Variants in MARK1 observed in about 807,000 individuals in gnomAD.
The protein encoded by MARK1 is serine/threonine-protein kinase MARK1.
A neutral mutation model predicts 96.3 loss-of-function variants in MARK1; 40 were observed. The ratio of observed to expected loss-of-function variants is 0.42; its 90% CI spans 0.32 to 0.54. MARK1 has a LOEUF of 0.54. MARK1 is among the 20% of genes least tolerant of loss of function. The pLI is 0.16. For missense variants in MARK1, 719 were observed against 984.6 expected (o/e 0.73, Z 3.61); for synonymous variants, 317 against 341.2 (o/e 0.93, Z 0.78).
Position 220,528,189 on chromosome 1 carries a change from C to T in MARK1, c.-634C>T, listed in dbSNP as rs1218057013. ...GGCGCTGCGTGCCGCGCCCGCTGCT[C>T]CGCGCGCAGCCGGCTCGGGCCGCTC... On this transcript the variant is annotated 5_prime_UTR_variant, in exon 1 of 18. Transcript: ENST00000366917. The T allele has an allele frequency of 6.6e-6, 1 of 150,456 alleles. No individual in the cohort carries two copies. The highest frequency in any genetic ancestry group is 2.4e-5 in the African/African-American group (1 of 41,266). The allele number at this position is 150,456 out of a possible 1,614,324, so 9.3% of individuals were successfully genotyped here. A position where few individuals can be genotyped will look rare whatever the true frequency, so the allele number is the denominator to read the frequency against.
intron 13 of MARK1, among the ~76,000 whole-genome samples, chr1:220,637,329 A>C (rs2103019926): frequency 6.6e-6 from 1 of 152,354 alleles, no homozygotes; most frequent in Middle Eastern, 3.4e-3. Context: ...GATTAAAGAA[A>C]TATAAACAAA....
At chr1:220,605,923 A>G (rs1666047696) in intron 6 of MARK1, among the ~76,000 whole-genome samples, 1 of 152,194 alleles carries the variant, frequency 6.6e-6, no homozygotes, top group Non-Finnish European at 1.5e-5. Context: ...ATTGATGGAC[A>G]TTTGGGTTGG....
intron 7 of MARK1, among the ~76,000 whole-genome samples, chr1:220,617,619 A>G (rs1666828027): frequency 6.6e-6 from 1 of 152,234 alleles, no homozygotes. Context: ...ATTCTGCTTT[A>G]GGATTTTGGA....
chr1:220,657,463 T>C (rs1463900350), intron 16 of MARK1, among the ~76,000 whole-genome samples: 2 of 152,208 alleles, frequency 1.3e-5, no homozygotes, highest in African/African-American at 4.8e-5. Context: ...AATTATTAAA[T>C]AGTTTTAACT....
intron 1 of MARK1, among the ~76,000 whole-genome samples, chr1:220,532,232 A>T (rs1425749878): frequency 6.6e-6 from 1 of 152,218 alleles, no homozygotes; most frequent in Non-Finnish European, 1.5e-5. Context: ...GGTGATTATA[A>T]TGATTACCTA....
intron 9 of MARK1, among the ~76,000 whole-genome samples, chr1:220,620,040 A>C (rs1666965671): frequency 6.6e-6 from 1 of 152,176 alleles, no homozygotes; most frequent in African/African-American, 2.4e-5. Flanking sequence ...AATATTTTTC[A>C]GTAGAGGATA....
chr1:220,614,917 C>G (rs2102958967), intron 6 of MARK1, among the ~76,000 whole-genome samples: 1 of 152,088 alleles, frequency 6.6e-6, no homozygotes, highest in Admixed American at 6.5e-5. Flanking sequence ...ACCCATATTC[C>G]TATTAGCATG....
intron 2 of MARK1, 142 bp from the exon 3 acceptor site, chr1:220,580,923 A>G: frequency 2.8e-6 from 1 of 353,522 alleles, no homozygotes; most frequent in East Asian, 4.1e-5. Flanking sequence ...AATTATCAAA[A>G]TGTTACTATC....
intron 17 of MARK1, among the ~76,000 whole-genome samples, chr1:220,660,295 A>G (rs962415591): frequency 6.6e-6 from 1 of 152,140 alleles, no homozygotes; most frequent in Admixed American, 6.5e-5. Context: ...GATGAAGTAA[A>G]TACTTTCCAT....
chr1:220,528,698 G>A lies in MARK1; in HGVS notation c.-125G>A, dbSNP rs1039693916. On this transcript the variant is annotated 5_prime_UTR_variant, in exon 1 of 18. Coordinates refer to ENST00000366917, the MANE Select transcript of MARK1 (RefSeq NM_018650.5). ...CCGGGGCCGCTTGTTGCACCGCCCC[G>A]CGGCCTGCGGGAGCCGCTCGCCCCG... The A allele has an allele frequency of 5.2e-6, 4 of 771,818 alleles. No homozygotes were observed. In the African/African-American group the frequency reaches 7.5e-5, roughly 14 times the overall value. 47.8% of individuals were successfully genotyped at this position (771,818 alleles called of 1,614,324 possible).
At chr1:220,587,277 T>TTTCCTTCCTTCC (rs1012243945) in intron 3 of MARK1, among the ~76,000 whole-genome samples, 9 of 150,618 alleles carry the variant, frequency 6.0e-5, no homozygotes, top group African/African-American at 2.2e-4. Context: ...TCCTTCCTTC[T>TTTCCTTCCTTCC]TTCCTTCCTT....
At chr1:220,657,021 CT>C (rs1277442163) in intron 16 of MARK1, among the ~76,000 whole-genome samples, 1 of 152,082 alleles carries the variant, frequency 6.6e-6, no homozygotes, top group African/African-American at 2.4e-5. Flanking sequence ...ACAGTATTAA[CT>C]TAAGGATTCA....
rs140806579 is a variant in MARK1, at chr1:220,538,443, A to G, written c.51+9570A>G. On this transcript the variant is annotated intron_variant, in intron 1 of 17. Transcript: ENST00000366917. Reference sequence around the variant, plus strand: ...TTCTGTTGCATTGATCTATATCTCTATTTTGGTACCAGTACCATGCTGTTT... The same window carrying G: ...TTCTGTTGCATTGATCTATATCTCTGTTTTGGTACCAGTACCATGCTGTTT... Among the ~76,000 whole-genome samples the G allele has an allele frequency of 9.5e-3, 1,444 of 151,792 alleles. 11 individuals are homozygous for G. Among genetic ancestry groups the G allele is most frequent in the African/African-American group, 0.015 (614 of 41,452 alleles).
chr1:220,590,591 G>C (rs1353018169), intron 3 of MARK1, among the ~76,000 whole-genome samples: 1 of 152,096 alleles, frequency 6.6e-6, no homozygotes, highest in African/African-American at 2.4e-5. Flanking sequence ...ATGAATTTAG[G>C]GGGGCACAGT....
intron 3 of MARK1, among the ~76,000 whole-genome samples, chr1:220,586,009 A>G (rs2786602): frequency 0.13 from 16,346 of 129,344 alleles, 1,140 homozygotes; most frequent in African/African-American, 0.22. Context: ...ACACACACAC[A>G]CACGCGCGCG....
intron 5 of MARK1, among the ~76,000 whole-genome samples, chr1:220,601,854 A>G (rs1349011127): frequency 6.6e-6 from 1 of 152,186 alleles, no homozygotes; most frequent in East Asian, 1.9e-4. Flanking sequence ...TGGGAGGCAC[A>G]GTGGGGAGTA....
chr1:220,537,274 T>C (rs1660771802), intron 1 of MARK1, among the ~76,000 whole-genome samples: 1 of 130,240 alleles, frequency 7.7e-6, no homozygotes, highest in Non-Finnish European at 1.6e-5. Context: ...GAGTGTGATG[T>C]TCCCCTTCCT....
At chr1:220,614,516 G>A (rs1666631101) in intron 6 of MARK1, among the ~76,000 whole-genome samples, 2 of 151,562 alleles carry the variant, frequency 1.3e-5, no homozygotes, top group South Asian at 4.2e-4. Context: ...TATTATAGGG[G>A]AATAATATAT....
At chr1:220,621,378 A>T (rs1467864032) in intron 9 of MARK1, among the ~76,000 whole-genome samples, 1 of 152,124 alleles carries the variant, frequency 6.6e-6, no homozygotes, top group East Asian at 1.9e-4. Flanking sequence ...GGTGTAAGTG[A>T]TCGGATAGCT....
Sources: gnomAD v4.1 joint callset for allele counts (sites outside exome capture counted in the v4.1 genomes callset) on GRCh38, gnomAD v4.1.1 for gene constraint, MANE v1.5 for transcripts, NCBI Gene and HGNC (gene_info 2026-07-23, HGNC 2026-07-21) for gene names.